Variants in PDE3B observed in about 807,000 individuals in gnomAD.
PDE3B encodes the protein cGMP-inhibited 3',5'-cyclic phosphodiesterase 3B.
Under a neutral mutation model 116.8 loss-of-function variants are expected in PDE3B, and 66 were observed. The ratio of observed to expected loss-of-function variants is 0.56; its 90% CI spans 0.46 to 0.69. The LOEUF (loss-of-function observed/expected upper bound fraction) is 0.69, where lower values mean the gene tolerates loss of function less well. Ranked by LOEUF, PDE3B falls within the 30% of genes least tolerant of loss-of-function variation. The pLI is 0.00. For synonymous variants in PDE3B, 595 were observed against 533.6 expected (o/e 1.12, Z -1.59); for missense variants, 1,384 against 1,368.1 (o/e 1.01, Z -0.18).
Position 14,835,111 on chromosome 11 carries a change from A to G in PDE3B, c.2320+16A>G. 1.4e-6 allele frequency: 2 copies of G among 1,431,056 alleles called. No homozygotes were observed. Among genetic ancestry groups the G allele is most frequent in the Non-Finnish European group, 2.0e-6 (2 of 1,023,204 alleles). 88.6% of individuals were successfully genotyped at this position (1,431,056 alleles called of 1,614,324 possible). ...AATGAAACAGGTACTTCCTTCTACA[A>G]ATCTCTTAATTATTTTGATCAGGAA... is the stretch of plus-strand genomic sequence containing the variant. On this transcript the variant is annotated intron_variant, in intron 11 of 15. Transcript: ENST00000282096.
At chr11:14,753,330 A>T (rs1477345452) in intron 1 of PDE3B, among the ~76,000 whole-genome samples, 4 of 152,190 alleles carry the variant, frequency 2.6e-5, no homozygotes, top group Non-Finnish European at 5.9e-5. Context: ...AGAGATGGAG[A>T]TGTAAACAAA....
At chr11:14,785,797 GCTAT>G (rs1333383619) in intron 2 of PDE3B, among the ~76,000 whole-genome samples, 3 of 151,670 alleles carry the variant, frequency 2.0e-5, no homozygotes, top group African/African-American at 7.3e-5. Flanking sequence ...TTAAGTTATC[GCTAT>G]CTCTTTTGAA....
chr11:14,733,913 AT>A (rs1447863791), intron 1 of PDE3B, among the ~76,000 whole-genome samples: 2 of 152,206 alleles, frequency 1.3e-5, no homozygotes, highest in Non-Finnish European at 2.9e-5. Flanking sequence ...ATTAAAAACT[AT>A]TTGAGAAAGA....
chr11:14,848,626 G>A (rs1750011956), intron 12 of PDE3B, among the ~76,000 whole-genome samples: 1 of 152,156 alleles, frequency 6.6e-6, no homozygotes. Context: ...AAGCTGATAA[G>A]CAACTTCAGC....
chr11:14,808,400 C>G (rs191056074), intron 5 of PDE3B, among the ~76,000 whole-genome samples: 4 of 152,190 alleles, frequency 2.6e-5, no homozygotes, highest in African/African-American at 7.2e-5. Flanking sequence ...TGCAAAGATA[C>G]AAGAAATTTT....
At chr11:14,665,238 C>T (rs1236132211) in intron 1 of PDE3B, among the ~76,000 whole-genome samples, 2 of 152,160 alleles carry the variant, frequency 1.3e-5, no homozygotes, top group Admixed American at 6.5e-5. Context: ...TAAAAGCTCT[C>T]AATAAATTAA....
intron 4 of PDE3B, among the ~76,000 whole-genome samples, chr11:14,797,955 T>G (rs1461564003): frequency 6.6e-5 from 10 of 152,192 alleles, no homozygotes; most frequent in African/African-American, 9.7e-5. Context: ...TGACCAGAAC[T>G]TCCACTACCA....
At chr11:14,753,169 G>A (rs1448108982) in intron 1 of PDE3B, among the ~76,000 whole-genome samples, 1 of 152,028 alleles carries the variant, frequency 6.6e-6, no homozygotes, top group Non-Finnish European at 1.5e-5. Context: ...TCTTTGGAGG[G>A]AGAGATATAA....
chr11:14,765,314 A>G (rs896167517), intron 1 of PDE3B, among the ~76,000 whole-genome samples: 2 of 151,972 alleles, frequency 1.3e-5, no homozygotes, highest in African/African-American at 4.8e-5. Flanking sequence ...TACATAGAGA[A>G]CAATGAAATA....
intron 1 of PDE3B, among the ~76,000 whole-genome samples, chr11:14,713,726 A>T (rs1015455542): frequency 6.0e-5 from 9 of 149,980 alleles, no homozygotes; most frequent in South Asian, 2.1e-4. Context: ...ACACACACAC[A>T]CTCACACACA....
chr11:14,802,818 T>C (rs942652653), intron 4 of PDE3B, among the ~76,000 whole-genome samples: 4 of 152,192 alleles, frequency 2.6e-5, no homozygotes, highest in Non-Finnish European at 5.9e-5. Flanking sequence ...TGCTTCAAAG[T>C]TGAAAAGTTA....
intron 1 of PDE3B, among the ~76,000 whole-genome samples, chr11:14,691,999 G>A (rs936195590): frequency 6.6e-6 from 1 of 152,116 alleles, no homozygotes; most frequent in African/African-American, 2.4e-5. Context: ...TAGGTGTGGT[G>A]GCTCATGCCT....
In PDE3B at chr11:14,661,625, G is replaced by A. The variant is rs181770890; in HGVS notation, c.978+16572G>A. Reference sequence around the variant, plus strand: ...ACCCTAATACTGCGCTTTTCCGACGGGCTTAAAAAACGGCGCACCACAAGA... The same window carrying A: ...ACCCTAATACTGCGCTTTTCCGACGAGCTTAAAAAACGGCGCACCACAAGA... On this transcript the variant is annotated intron_variant, in intron 1 of 15. Coordinates refer to ENST00000282096, the MANE Select transcript of PDE3B (RefSeq NM_000922.4). Among the ~76,000 whole-genome samples the A allele has an allele frequency of 3.7e-3, 567 of 152,312 alleles. 2 individuals are homozygous for A. The highest frequency in any genetic ancestry group is 5.6e-3 in the Non-Finnish European group (380 of 68,026).
intron 1 of PDE3B, among the ~76,000 whole-genome samples, chr11:14,715,944 G>A (rs971977208): frequency 6.6e-6 from 1 of 152,162 alleles, no homozygotes; most frequent in Non-Finnish European, 1.5e-5. Context: ...GAACAGCTCC[G>A]GTCTACAGCT....
chr11:14,786,884 T>A (rs1858219567), intron 3 of PDE3B, among the ~76,000 whole-genome samples, 199 bp downstream of exon 3: 1 of 152,070 alleles, frequency 6.6e-6, no homozygotes, highest in African/African-American at 2.4e-5. Flanking sequence ...AATACATTGC[T>A]GTGATTAGCA....
rs1045173048 is a variant in PDE3B at position 14,871,770 on chromosome 11, T to C, written c.*2110T>C. On this transcript the variant is annotated 3_prime_UTR_variant, in exon 16 of 16. Coordinates refer to ENST00000282096, the MANE Select transcript of PDE3B (RefSeq NM_000922.4). ...CTAAAGAAACCCAAAAAAGTATCTC[T>C]CCCGAGCTGAAACTTAAAAATTCGT... The C allele has an allele frequency of 5.3e-5, 8 of 152,136 alleles. No individual in the cohort carries two copies. The highest frequency in any genetic ancestry group is 1.0e-4 in the Non-Finnish European group (7 of 68,004). The allele number at this position is 152,136 out of a possible 1,614,324, so 9.4% of individuals were successfully genotyped here.
intron 1 of PDE3B, among the ~76,000 whole-genome samples, chr11:14,749,384 A>G (rs1034158076): frequency 3.3e-5 from 5 of 152,142 alleles, no homozygotes; most frequent in Non-Finnish European, 7.4e-5. Flanking sequence ...GAGTAACTCT[A>G]TACCTCTGAA....
the PDE3B span, among the ~76,000 whole-genome samples, chr11:14,889,368 A>G: frequency 1.3e-5 from 2 of 152,184 alleles, 1 homozygote; most frequent in East Asian, 3.8e-4. Context: ...AAATATCTCT[A>G]AGATAATGGG....
At chr11:14,835,909 A>G (rs1860037739) in intron 11 of PDE3B, among the ~76,000 whole-genome samples, 1 of 152,266 alleles carries the variant, frequency 6.6e-6, no homozygotes, top group South Asian at 2.1e-4. Context: ...GCAGTGAGCC[A>G]TGATTATGTC....
Sources: gnomAD v4.1 joint callset for allele counts (sites outside exome capture counted in the v4.1 genomes callset) on GRCh38, gnomAD v4.1.1 for gene constraint, MANE v1.5 for transcripts, NCBI Gene and HGNC (gene_info 2026-07-23, HGNC 2026-07-21) for gene names.